WAC: variants seen among roughly 807,000 people sequenced by gnomAD.
The protein encoded by WAC is WW domain containing adaptor with coiled-coil.
WAC carries 11 observed loss-of-function variants against 79.6 expected under a neutral mutation model. The observed-to-expected ratio is 0.14, with a 90% CI of 0.09 to 0.23. WAC has a LOEUF of 0.23. WAC is among the 10% of genes least tolerant of loss of function. The pLI is 1.00. For synonymous variants in WAC, 304 were observed against 276.9 expected (o/e 1.10, Z -0.97); for missense variants, 728 against 773.5 (o/e 0.94, Z 0.70).
intron 2 of WAC, 66 bp from the exon 3 acceptor site, chr10:28,535,496 G>A: frequency 6.8e-7 from 1 of 1,465,136 alleles, no homozygotes; most frequent in Non-Finnish European, 9.1e-7. Context: ...CAAAGTTTAT[G>A]TTTAAATTAG....
intron 3 of WAC, among the ~76,000 whole-genome samples, chr10:28,554,755 T>C (rs769966198): frequency 4.6e-5 from 7 of 152,348 alleles, no homozygotes; most frequent in Admixed American, 1.3e-4. Flanking sequence ...TCCTATGTCT[T>C]TCTACTTTTC....
At chr10:28,616,444 C>A (rs1841471292) in intron 12 of WAC, 82 bp downstream of exon 12, 3 of 1,109,240 alleles carry the variant, frequency 2.7e-6, no homozygotes, top group Non-Finnish European at 3.6e-6. Context: ...TCTAATGTGA[C>A]CACTGAATTC....
intron 10 of WAC, 81 bp downstream of exon 10, chr10:28,612,003 A>C: frequency 2.6e-6 from 4 of 1,518,876 alleles, no homozygotes; most frequent in Non-Finnish European, 3.6e-6. Context: ...CTGTTATAGA[A>C]AAAGCCCTCT....
chr10:28,559,592 A>G (rs1054281816), intron 3 of WAC, among the ~76,000 whole-genome samples: 4 of 152,204 alleles, frequency 2.6e-5, no homozygotes, highest in African/African-American at 9.6e-5. Context: ...TTGTAAAGAC[A>G]AGGAAACAAG....
intron 3 of WAC, among the ~76,000 whole-genome samples, chr10:28,560,833 G>A (rs1838264757): frequency 1.3e-5 from 2 of 152,170 alleles, no homozygotes. Flanking sequence ...TGACCAGTAG[G>A]CAGATTTTCC....
chr10:28,622,782 CA>C lies in WAC; in HGVS notation c.*3181del, dbSNP rs1841738347. ...ATTTCCAAAAACAGTTTATTATGTTCAAAAACCACCATATCTTTGAGGGACT... is the reference window on the plus strand; with the variant it reads ...ATTTCCAAAAACAGTTTATTATGTTCAAAACCACCATATCTTTGAGGGACT... On this transcript the variant is annotated 3_prime_UTR_variant, in exon 14 of 14. Transcript: ENST00000354911. 1.3e-5 allele frequency: 2 copies of C among 152,028 alleles called. No homozygotes were observed. Among genetic ancestry groups the C allele is most frequent in the African/African-American group, 4.8e-5 (2 of 41,396 alleles). 9.4% of individuals were successfully genotyped at this position (152,028 alleles called of 1,614,324 possible).
intron 7 of WAC, 83 bp from the exon 8 acceptor site, chr10:28,608,103 G>A (rs1371098207): frequency 3.3e-6 from 5 of 1,512,772 alleles, no homozygotes; most frequent in Admixed American, 1.8e-5. Flanking sequence ...TTAGGTGCCT[G>A]GCACATGAGA....
At chr10:28,540,828 G>A (rs1836971864) in intron 3 of WAC, among the ~76,000 whole-genome samples, 1 of 152,058 alleles carries the variant, frequency 6.6e-6, no homozygotes, top group South Asian at 2.1e-4. Context: ...TTCAAGAGAA[G>A]TGGAATAAGA....
intron 8 of WAC, among the ~76,000 whole-genome samples, chr10:28,610,449 C>A (rs1465864421): frequency 6.6e-6 from 1 of 151,944 alleles, no homozygotes; most frequent in African/African-American, 2.4e-5. Context: ...TTCAGGTGAT[C>A]ATCTTAATTA....
intron 3 of WAC, among the ~76,000 whole-genome samples, chr10:28,552,756 A>G (rs1043394489): frequency 6.6e-6 from 1 of 152,062 alleles, no homozygotes; most frequent in African/African-American, 2.4e-5. Flanking sequence ...AATGAGAAAA[A>G]AAGAGTATTA....
intron 12 of WAC, among the ~76,000 whole-genome samples, 180 bp downstream of exon 12, chr10:28,616,542 T>C (rs1363329047): frequency 6.6e-6 from 1 of 152,252 alleles, no homozygotes; most frequent in Non-Finnish European, 1.5e-5. Context: ...TTTTACAAAA[T>C]ATTTTAACAT....
At chr10:28,559,484 G>C (rs1210728490) in intron 3 of WAC, among the ~76,000 whole-genome samples, 1 of 152,084 alleles carries the variant, frequency 6.6e-6, no homozygotes, top group African/African-American at 2.4e-5. Context: ...AGGAAACGGA[G>C]GCAAAATTAA....
rs953922780 is a variant in WAC, at chr10:28,533,831, C to T, written c.42-167C>T. The T allele has an allele frequency of 2.0e-5, 20 of 1,017,752 alleles. No homozygotes were observed. In the East Asian group the frequency reaches 4.1e-4, roughly 21 times the overall value. 63.0% of individuals were successfully genotyped at this position (1,017,752 alleles called of 1,614,324 possible). A position where few individuals can be genotyped will look rare whatever the true frequency, so the allele number is the denominator to read the frequency against. ...CGGCTTCGCGGCATTTCGCCCTCTC[C>T]GGCCCTTCCGGAGGCTCCGGGTTTG... On this transcript the variant is annotated intron_variant, in intron 1 of 13. Coordinates refer to ENST00000354911, the MANE Select transcript of WAC (RefSeq NM_016628.5).
At chr10:28,596,096 T>G (rs1339259350) in intron 7 of WAC, 55 bp downstream of exon 7, 2 of 1,509,896 alleles carry the variant, frequency 1.3e-6, no homozygotes, top group Non-Finnish European at 1.8e-6. Context: ...AAGTTTCTTC[T>G]AAGTTTCTTA....
intron 12 of WAC, among the ~76,000 whole-genome samples, chr10:28,616,944 A>G (rs1841493619): frequency 6.6e-6 from 1 of 152,182 alleles, no homozygotes; most frequent in African/African-American, 2.4e-5. Flanking sequence ...TTAGCCAGGC[A>G]TGGTGGCATG....
intron 3 of WAC, among the ~76,000 whole-genome samples, chr10:28,562,764 G>A (rs1214010070): frequency 6.6e-6 from 1 of 152,174 alleles, no homozygotes; most frequent in African/African-American, 2.4e-5. Flanking sequence ...GTGCATTAAT[G>A]ACAGTGATAG....
intron 4 of WAC, chr10:28,588,638 A>G (rs1033503452): frequency 6.6e-6 from 1 of 152,164 alleles, no homozygotes; most frequent in East Asian, 1.9e-4. Flanking sequence ...AAGCTTGAAA[A>G]TTGTGGCACG....
rs754144937 is a variant in WAC, at chr10:28,608,311, C to G, written c.1045C>G (p.Pro349Ala). The change falls in exon 8 of 14, where the codon CCA (proline) becomes GCA (alanine). Residue 349 changes from proline (P) to alanine (A), a missense_variant. This residue lies in a region of WAC where 648 missense variants were observed against 661.5 expected (regional missense o/e 0.98). Transcript: ENST00000354911. ...SASAVPVSPV[P>A]QSPIPPLLQD... The stretch of plus-strand genomic sequence containing the variant: ...TTCAGCGGTCCCTGTTTCTCCTGTT[C>G]CACAGTCGCCAATACCTCCCTTACT... 3 of 1,614,160 alleles carry G rather than the reference C, an allele frequency of 1.9e-6. No homozygotes were observed. In the South Asian group the frequency reaches 3.3e-5, roughly 18 times the overall value.
intron 7 of WAC, among the ~76,000 whole-genome samples, chr10:28,603,463 C>G (rs1175663844): frequency 6.6e-6 from 1 of 152,158 alleles, no homozygotes; most frequent in East Asian, 1.9e-4. Context: ...TAATGAAAAA[C>G]ACTACATTCT....
Sources: gnomAD v4.1 joint callset for allele counts (sites outside exome capture counted in the v4.1 genomes callset) on GRCh38, gnomAD v4.1.1 for gene constraint, gnomAD v4.1.1 regional missense constraint, MANE v1.5 for transcripts, NCBI Gene and HGNC (gene_info 2026-07-23, HGNC 2026-07-21) for gene names.